UQCC6: variants seen among roughly 807,000 people sequenced by gnomAD.
UQCC6 encodes the protein protein BRAWNIN.
chr12:103,955,389 C>A, the UQCC6 span, among the ~76,000 whole-genome samples: 2 of 152,172 alleles, frequency 1.3e-5, no homozygotes, highest in East Asian at 3.9e-4. Context: ...GTAATCCCAA[C>A]ACTTTCAGAG....
chr12:103,961,053 G>A, the UQCC6 span, among the ~76,000 whole-genome samples: 33 of 152,106 alleles, frequency 2.2e-4, 1 homozygote, highest in Admixed American at 1.2e-3. Context: ...CTCCCTGTGG[G>A]TTATTGCCCT....
chr12:103,964,833 A>G, the UQCC6 span, among the ~76,000 whole-genome samples: 1 of 152,210 alleles, frequency 6.6e-6, no homozygotes, highest in African/African-American at 2.4e-5. Flanking sequence ...GGGTATTCAT[A>G]AAAGTTCTGT....
the UQCC6 span, chr12:103,956,712 G>GCA: frequency 5.2e-6 from 8 of 1,551,562 alleles, no homozygotes; most frequent in Non-Finnish European, 6.1e-6. Flanking sequence ...TTTTCAGGTA[G>GCA]GTGGACATGG....
chr12:103,957,895 AT>A, the UQCC6 span, among the ~76,000 whole-genome samples: 6 of 53,932 alleles, frequency 1.1e-4, no homozygotes, highest in African/African-American at 7.9e-4. Flanking sequence ...TACTAAAAAT[AT>A]ATATATATAA....
At chr12:103,952,829 G>C in the UQCC6 span, among the ~76,000 whole-genome samples, 168 of 152,288 alleles carry the variant, frequency 1.1e-3, 2 homozygotes, top group Admixed American at 3.5e-3. Context: ...ACAAAGACAT[G>C]GAGGAGGATG....
the UQCC6 span, among the ~76,000 whole-genome samples, chr12:103,957,962 A>C: frequency 6.9e-6 from 1 of 145,286 alleles, no homozygotes; most frequent in African/African-American, 2.5e-5. Context: ...TTTTTAATAT[A>C]TATTATATAT....
At chr12:103,955,175 C>T in the UQCC6 span, among the ~76,000 whole-genome samples, 3 of 152,082 alleles carry the variant, frequency 2.0e-5, no homozygotes, top group Admixed American at 1.3e-4. Context: ...AACTTAGCCA[C>T]GCATGGTGGT....
chr12:103,960,363 C>T, the UQCC6 span, among the ~76,000 whole-genome samples: 1 of 152,094 alleles, frequency 6.6e-6, no homozygotes, highest in Admixed American at 6.5e-5. Flanking sequence ...CATGAGCCAC[C>T]GCACCCGGCC....
the UQCC6 span, among the ~76,000 whole-genome samples, chr12:103,958,172 C>T: frequency 3.4e-5 from 5 of 148,554 alleles, no homozygotes; most frequent in South Asian, 8.5e-4. Flanking sequence ...GCTGAGATCG[C>T]GCCATTGCAC....
chr12:103,950,316 CCTGAGAAAGGAAACAG>C, the UQCC6 span: 35,408 of 151,952 alleles, frequency 0.23, 4,294 homozygotes, highest in Admixed American at 0.31. Context: ...TCGATCAACA[CCTGAGAAAGGAAACAG>C]GACTGAGCAG....
the UQCC6 span, among the ~76,000 whole-genome samples, chr12:103,961,136 ATGTG>A: frequency 6.8e-6 from 1 of 146,164 alleles, no homozygotes; most frequent in African/African-American, 2.6e-5. Flanking sequence ...GCCTAGGCTA[ATGTG>A]TGTGTTTGTG....
At chr12:103,955,259 G>A in the UQCC6 span, among the ~76,000 whole-genome samples, 2 of 152,138 alleles carry the variant, frequency 1.3e-5, no homozygotes, top group Non-Finnish European at 2.9e-5. Flanking sequence ...AGAGGTTGCA[G>A]TGAGCTCAGA....
the UQCC6 span, chr12:103,965,595 C>T: frequency 5.8e-6 from 1 of 172,200 alleles, no homozygotes; most frequent in East Asian, 1.6e-4. Flanking sequence ...CGTCATCATC[C>T]CATATACACA....
the UQCC6 span, among the ~76,000 whole-genome samples, chr12:103,964,539 A>G: frequency 3.3e-5 from 5 of 152,202 alleles, no homozygotes; most frequent in Non-Finnish European, 1.5e-5. Flanking sequence ...CCTTGCTGCC[A>G]AGGGTAATTC....
the UQCC6 span, chr12:103,953,681 A>T: frequency 1.5e-6 from 1 of 662,640 alleles, no homozygotes. Context: ...CTACAGAGAT[A>T]CCCCATTGCC....
the UQCC6 span, among the ~76,000 whole-genome samples, chr12:103,960,567 A>AT: frequency 1.3e-5 from 2 of 152,188 alleles, no homozygotes; most frequent in African/African-American, 4.8e-5. Context: ...AGATATTTTT[A>AT]TATGTGGAAA....
chr12:103,964,057 G>A, the UQCC6 span, among the ~76,000 whole-genome samples: 1 of 149,724 alleles, frequency 6.7e-6, no homozygotes, highest in South Asian at 2.1e-4. Context: ...ACACTGATGG[G>A]ATAAAAGCCA....
the UQCC6 span, chr12:103,950,454 C>G: frequency 2.0e-5 from 3 of 152,210 alleles, no homozygotes; most frequent in Non-Finnish European, 4.4e-5. Flanking sequence ...AGTGGCCAGG[C>G]CTTTCTATTC....
At chr12:103,952,145 A>G in the UQCC6 span, among the ~76,000 whole-genome samples, 2 of 152,144 alleles carry the variant, frequency 1.3e-5, no homozygotes, top group Non-Finnish European at 2.9e-5. Context: ...AATTTTCATC[A>G]CCCCAAAAAG....
Sources: gnomAD v4.1 joint callset for allele counts (sites outside exome capture counted in the v4.1 genomes callset) on GRCh38, gnomAD v4.1.1 for gene constraint, MANE v1.5 for transcripts, NCBI Gene and HGNC (gene_info 2026-07-23, HGNC 2026-07-21) for gene names.